PRR16: variants seen among roughly 807,000 people sequenced by gnomAD.
PRR16 encodes the protein proline rich 16.
In PRR16, 6 loss-of-function variants were observed where a neutral mutation model predicts 18.2. The observed-to-expected ratio is 0.33, with a 90% CI of 0.18 to 0.65. The LOEUF (loss-of-function observed/expected upper bound fraction) is 0.65, where lower values mean the gene tolerates loss of function less well. Ranked by LOEUF, PRR16 falls within the 30% of genes least tolerant of loss-of-function variation. The pLI is 0.74. For synonymous variants in PRR16, 151 were observed against 147.8 expected, an observed-to-expected ratio of 1.02 and a Z score of -0.16; for missense variants, 412 against 376.6, an observed-to-expected ratio of 1.09 and a Z score of -0.78.
At chr5:120,516,423 CAAAAAAAAAAAAAAA>C (rs531146634) in intron 1 of PRR16, among the ~76,000 whole-genome samples, 9,667 of 52,866 alleles carry the variant, frequency 0.18, 846 homozygotes, top group African/African-American at 0.36. Context: ...GATTATGTCT[CAAAAAAAAAAAAAAA>C]AAAAAAAAGC....
intron 1 of PRR16, among the ~76,000 whole-genome samples, chr5:120,552,239 T>A (rs139484552): frequency 8.6e-5 from 13 of 152,030 alleles, no homozygotes. Flanking sequence ...AAAGACATTG[T>A]TGTCATTGGG....
At chr5:120,755,215 A>T in the PRR16 span, among the ~76,000 whole-genome samples, 2 of 151,682 alleles carry the variant, frequency 1.3e-5, no homozygotes, top group African/African-American at 2.4e-5. Context: ...AAAAAAATCT[A>T]AAAAAAATAA....
chr5:120,775,683 T>A, the PRR16 span, among the ~76,000 whole-genome samples: 1 of 150,366 alleles, frequency 6.7e-6, no homozygotes, highest in East Asian at 2.0e-4. Flanking sequence ...CAGGCTGGAG[T>A]GCAATGGCAC....
intron 1 of PRR16, among the ~76,000 whole-genome samples, chr5:120,576,421 A>G (rs1412475753): frequency 2.0e-5 from 3 of 152,186 alleles, no homozygotes; most frequent in Non-Finnish European, 2.9e-5. Context: ...AAAATGTTCA[A>G]TATCACTAAT....
At chr5:120,574,082 C>T (rs1752998542) in intron 1 of PRR16, among the ~76,000 whole-genome samples, 2 of 151,958 alleles carry the variant, frequency 1.3e-5, no homozygotes, top group Non-Finnish European at 2.9e-5. Context: ...AATGGAAAAA[C>T]ATTAATAACC....
intron 1 of PRR16, among the ~76,000 whole-genome samples, chr5:120,587,368 A>T (rs879800053): frequency 6.6e-6 from 1 of 152,210 alleles, no homozygotes; most frequent in Non-Finnish European, 1.5e-5. Context: ...TATTGAAAGA[A>T]GATGCCACCT....
chr5:120,774,568 A>G, the PRR16 span, among the ~76,000 whole-genome samples: 1 of 152,106 alleles, frequency 6.6e-6, no homozygotes, highest in Non-Finnish European at 1.5e-5. Context: ...TCTGTTTCTC[A>G]ACCCCAATAA....
At chr5:120,563,345 G>T (rs1752634735) in intron 1 of PRR16, among the ~76,000 whole-genome samples, 1 of 152,276 alleles carries the variant, frequency 6.6e-6, no homozygotes, top group Middle Eastern at 3.4e-3. Context: ...AGATCCCCCA[G>T]GTCCTAGTAG....
At chr5:120,732,487 C>G in the PRR16 span, among the ~76,000 whole-genome samples, 1 of 152,228 alleles carries the variant, frequency 6.6e-6, no homozygotes, top group East Asian at 1.9e-4. Flanking sequence ...CTACCTGATG[C>G]AGTGGTCCTA....
chr5:120,475,398 TTCTG>T (rs1469647146), intron 1 of PRR16, among the ~76,000 whole-genome samples: 1 of 152,198 alleles, frequency 6.6e-6, no homozygotes, highest in African/African-American at 2.4e-5. Flanking sequence ...CTCCTCTACT[TTCTG>T]TCTTACTTTT....
At chr5:120,615,365 ATTTCTT>A (rs1196339802) in intron 1 of PRR16, among the ~76,000 whole-genome samples, 1 of 137,334 alleles carries the variant, frequency 7.3e-6, no homozygotes, top group Non-Finnish European at 1.6e-5. Flanking sequence ...CTTTCTATGG[ATTTCTT>A]TTTCTTTCTT....
At chr5:120,600,960 A>T (rs1003348370) in intron 1 of PRR16, among the ~76,000 whole-genome samples, 2 of 151,860 alleles carry the variant, frequency 1.3e-5, no homozygotes, top group African/African-American at 4.8e-5. Context: ...CATTTTCTTT[A>T]TCCGGCCCAC....
intron 1 of PRR16, among the ~76,000 whole-genome samples, chr5:120,667,126 A>G (rs1443721340): frequency 1.3e-5 from 2 of 152,144 alleles, no homozygotes; most frequent in African/African-American, 4.8e-5. Flanking sequence ...GATTATTGCC[A>G]CAATTTCCGA....
intron 1 of PRR16, among the ~76,000 whole-genome samples, chr5:120,582,573 A>G (rs911107930): frequency 6.6e-6 from 1 of 152,198 alleles, no homozygotes; most frequent in Non-Finnish European, 1.5e-5. Context: ...GACTTATGCT[A>G]GAGAAAATAT....
chr5:120,598,285 ATT>A (rs1245097629), intron 1 of PRR16, among the ~76,000 whole-genome samples: 2 of 151,824 alleles, frequency 1.3e-5, no homozygotes, highest in African/African-American at 4.8e-5. Context: ...AATGTAGGCA[ATT>A]TTTGTTAGTT....
At chr5:120,684,265 G>A (rs1757054317) in intron 1 of PRR16, among the ~76,000 whole-genome samples, 1 of 152,172 alleles carries the variant, frequency 6.6e-6, no homozygotes, top group African/African-American at 2.4e-5. Context: ...TGAGTTTGCA[G>A]GCCTTCGAGA....
the PRR16 span, among the ~76,000 whole-genome samples, chr5:120,713,483 T>C: frequency 6.6e-6 from 1 of 152,186 alleles, no homozygotes; most frequent in Admixed American, 6.5e-5. Flanking sequence ...ATCTTTATAG[T>C]TCTCCATTTT....
intron 1 of PRR16, among the ~76,000 whole-genome samples, chr5:120,523,085 T>C (rs1751239838): frequency 6.6e-6 from 1 of 152,010 alleles, no homozygotes. Context: ...TCTAAGATTC[T>C]AAATTAACTT....
At chr5:120,707,973 T>G in the PRR16 span, among the ~76,000 whole-genome samples, 1 of 152,204 alleles carries the variant, frequency 6.6e-6, no homozygotes, top group African/African-American at 2.4e-5. Flanking sequence ...AATTAGTTAC[T>G]GTTTGGTTTT....
Sources: allele counts gnomAD v4.1 joint callset (sites outside exome capture counted in the v4.1 genomes callset), GRCh38; gene constraint gnomAD v4.1.1; transcripts MANE v1.5; gene names NCBI Gene and HGNC (gene_info 2026-07-23, HGNC 2026-07-21).